The following CA5B variants were observed in gnomAD, a reference collection of about 807,000 sequenced individuals.
CA5B encodes carbonic anhydrase 5B, mitochondrial.
In CA5B, 15 loss-of-function variants were observed where a neutral mutation model predicts 23.1. That is an observed-to-expected ratio of 0.65 (90% CI 0.43 to 1.00). The LOEUF is 1.00. CA5B is among the 50% of genes least tolerant of loss of function. CA5B has a pLI of 0.00. For synonymous variants in CA5B, 84 were observed against 98.5 expected, an observed-to-expected ratio of 0.85 and a Z score of 0.87; for missense variants, 236 against 252.2, an observed-to-expected ratio of 0.94 and a Z score of 0.43.
chrX:15,767,968 G>GCA (rs1931746293), intron 3 of CA5B, among the ~76,000 whole-genome samples: 1 of 90,687 alleles, frequency 1.1e-5, no homozygotes, highest in Non-Finnish European at 2.1e-5. Flanking sequence ...GCGTGATCTT[G>GCA]GCTCACTGCA....
At position 15,784,001 on chromosome X, in the gene CA5B, C is replaced by T. The variant is rs1320911632; in HGVS notation, c.*1337C>T. ...CTCCCGGGTTTAAGCGATTCTCCTG[C>T]CTCAGCCTCCTGAGTAACTGGGACT... On this transcript the variant is annotated 3_prime_UTR_variant, in exon 8 of 8. Transcript: ENST00000318636. 2 of 104,414 alleles carry T rather than the reference C, an allele frequency of 1.9e-5. No individual in the cohort carries two copies. The highest frequency in any genetic ancestry group is 3.5e-5 in the African/African-American group (1 of 28,579). The allele number at this position is 104,414 out of a possible 1,213,427, so 8.6% of individuals were successfully genotyped here.
rs774974788 is a variant in CA5B at position 15,782,596 on chromosome X, T to A, written c.886T>A (p.Phe296Ile). The change falls in exon 8 of 8, where the codon TTC (phenylalanine) becomes ATC (isoleucine). Residue 296 changes from phenylalanine to isoleucine, a missense_variant. Around this residue, in one of 3 missense-constraint regions of CA5B, gnomAD observed 170 missense variants for 162.0 expected, o/e 1.05. Coordinates refer to ENST00000318636, the MANE Select transcript of CA5B (RefSeq NM_007220.4). ...GATGAATCGCACTGTTCGTTCATCC[T>A]TCCGGCATGATTATGTGCTGAATGT... ...PLMNRTVRSS[F>I]RHDYVLNVQA... The A allele has an allele frequency of 8.3e-7, 1 of 1,209,556 alleles. No homozygotes were observed. Among genetic ancestry groups the A allele is most frequent in the South Asian group, 1.8e-5 (1 of 56,401 alleles).
Position 15,787,936 on chromosome X carries a change from C to A in CA5B, c.*5272C>A, listed in dbSNP as rs1182144915. The A allele has an allele frequency of 8.9e-6, 1 of 112,456 alleles. No homozygotes were observed. Among genetic ancestry groups the A allele is most frequent in the African/African-American group, 3.2e-5 (1 of 30,942 alleles). The allele number at this position is 112,456 out of a possible 1,213,427, so 9.3% of individuals were successfully genotyped here. On this transcript the variant is annotated 3_prime_UTR_variant, in exon 8 of 8. Transcript: ENST00000318636. Reference sequence around the variant, plus strand: ...TTAGAAGGAATTGTTACTTATTGTTCTGAAGTGAAAGTCTGGTCTGATTCA... The same window carrying A: ...TTAGAAGGAATTGTTACTTATTGTTATGAAGTGAAAGTCTGGTCTGATTCA...
chrX:15,745,207 A>G (rs1050462443), intron 1 of CA5B, among the ~76,000 whole-genome samples: 3 of 110,625 alleles, frequency 2.7e-5, no homozygotes, highest in African/African-American at 3.3e-5. Flanking sequence ...AGAAAAGAAA[A>G]GAAAAATCTG....
chrX:15,768,383 GCTT>G (rs1195205966), intron 3 of CA5B, among the ~76,000 whole-genome samples: 1 of 111,096 alleles, frequency 9.0e-6, no homozygotes, highest in Non-Finnish European at 1.9e-5. Context: ...TGTCATAATA[GCTT>G]CTTTTTAGAT....
Position 15,787,473 on chromosome X carries a change from C to G in CA5B, c.*4809C>G, listed in dbSNP as rs190631964. 2.4e-4 allele frequency: 27 copies of G among 112,204 alleles called. No homozygotes were observed. Among genetic ancestry groups the G allele is most frequent in the African/African-American group, 7.1e-4 (22 of 30,913 alleles). 9.2% of individuals were successfully genotyped at this position (112,204 alleles called of 1,213,427 possible). ...GCCCAAAAGAAGTCTTGGAAGATGT[C>G]TTTCCCTGTTAAATTCAGATGATGG... On this transcript the variant is annotated 3_prime_UTR_variant, in exon 8 of 8. Transcript: ENST00000318636.
intron 5 of CA5B, among the ~76,000 whole-genome samples, 174 bp downstream of exon 5, chrX:15,774,571 C>T (rs762769189): frequency 8.9e-6 from 1 of 111,841 alleles, no homozygotes; most frequent in Non-Finnish European, 1.9e-5. Context: ...TGGTGGCTCA[C>T]GCCTGTAATC....
intron 6 of CA5B, 179 bp downstream of exon 6, chrX:15,775,487 G>A: frequency 1.0e-6 from 1 of 978,027 alleles, no homozygotes; most frequent in Non-Finnish European, 1.3e-6. Context: ...TGGGTAGGCA[G>A]TGAGCTTTCT....
rs145142875 is a variant in CA5B, at chrX:15,778,795, G to A, written c.774+1926G>A. On this transcript the variant is annotated intron_variant, in intron 7 of 7. Transcript: ENST00000318636. ...GGGAAGTGCCACACACTTTTAAACC[G>A]TCAGATCTCATGAGAACTCTTTCAC... Among the ~76,000 whole-genome samples the A allele has an allele frequency of 2.7e-3, 294 of 110,442 alleles. 1 individual carries two copies. Among genetic ancestry groups the A allele is most frequent in the Admixed American group, 4.6e-3 (47 of 10,261 alleles).
intron 1 of CA5B, among the ~76,000 whole-genome samples, chrX:15,743,732 C>G (rs1931167954): frequency 9.0e-6 from 1 of 111,211 alleles, no homozygotes; most frequent in African/African-American, 3.3e-5. Flanking sequence ...AAATTAATCT[C>G]AAATCCTCAT....
At chrX:15,740,242 A>C (rs982788190) in intron 1 of CA5B, among the ~76,000 whole-genome samples, 1 of 112,255 alleles carries the variant, frequency 8.9e-6, no homozygotes, top group Non-Finnish European at 1.9e-5. Flanking sequence ...ATCTTTATGG[A>C]CAAACTTATG....
At chrX:15,767,195 G>T in intron 3 of CA5B, 2 of 352,725 alleles carry the variant, frequency 5.7e-6, no homozygotes, top group Non-Finnish European at 7.3e-6. Context: ...GCTTTCTTCT[G>T]GGGATCCTTG....
chrX:15,759,463 A>G (rs182346954), intron 2 of CA5B, among the ~76,000 whole-genome samples: 13 of 111,708 alleles, frequency 1.2e-4, no homozygotes, highest in African/African-American at 3.9e-4. Flanking sequence ...TCTATGAACC[A>G]GAAGACAGGA....
At chrX:15,752,452 G>A (rs909664187) in intron 2 of CA5B, among the ~76,000 whole-genome samples, 1 of 112,173 alleles carries the variant, frequency 8.9e-6, no homozygotes, top group African/African-American at 3.2e-5. Context: ...TGGGCCAGGC[G>A]CGATGGCTTA....
chrX:15,738,920 G>C (rs1353537550), intron 1 of CA5B, among the ~76,000 whole-genome samples: 1 of 111,690 alleles, frequency 9.0e-6, no homozygotes, highest in African/African-American at 3.3e-5. Flanking sequence ...TCACAACTGT[G>C]CCATGCGGGC....
rs980014030 is a variant in CA5B, at chrX:15,786,780, G to A, written c.*4116G>A. ...GAAGCAACAATGGGAAGAAGCAGCC[G>A]ATCCTCCTCAGTGCACCTTTTTCTG... On this transcript the variant is annotated 3_prime_UTR_variant, in exon 8 of 8. Coordinates refer to ENST00000318636, the MANE Select transcript of CA5B (RefSeq NM_007220.4). 2 of 111,685 alleles carry A rather than the reference G, an allele frequency of 1.8e-5. No individual in the cohort carries two copies. The highest frequency in any genetic ancestry group is 6.5e-5 in the African/African-American group (2 of 30,682). The allele number at this position is 111,685 out of a possible 1,213,427, so 9.2% of individuals were successfully genotyped here. A position where few individuals can be genotyped will look rare whatever the true frequency, so the allele number is the denominator to read the frequency against.
At chrX:15,766,634 C>G (rs1251753079) in intron 3 of CA5B, among the ~76,000 whole-genome samples, 1 of 111,548 alleles carries the variant, frequency 9.0e-6, no homozygotes, top group African/African-American at 3.3e-5. Flanking sequence ...ACTTACTATA[C>G]AAGTAAAAGC....
At chrX:15,779,573 A>G (rs1196371003) in intron 7 of CA5B, among the ~76,000 whole-genome samples, 1 of 112,305 alleles carries the variant, frequency 8.9e-6, no homozygotes, top group Non-Finnish European at 1.9e-5. Context: ...TAGGCAGGAA[A>G]GATAGAGTAT....
intron 7 of CA5B, among the ~76,000 whole-genome samples, chrX:15,779,363 T>C (rs1471924725): frequency 8.9e-6 from 1 of 111,942 alleles, no homozygotes; most frequent in Non-Finnish European, 1.9e-5. Context: ...TTACTCAGTC[T>C]ACCAATTTAA....
Sources: gnomAD v4.1 joint callset for allele counts (sites outside exome capture counted in the v4.1 genomes callset) on GRCh38, gnomAD v4.1.1 for gene constraint, gnomAD v4.1.1 regional missense constraint, MANE v1.5 for transcripts, NCBI Gene and HGNC (gene_info 2026-07-23, HGNC 2026-07-21) for gene names.